WDR35: variants seen among roughly 807,000 people sequenced by gnomAD.
WDR35 encodes the protein WD repeat domain 35.
In WDR35, 118 loss-of-function variants were observed where a neutral mutation model predicts 158.3. The observed-to-expected ratio is 0.75, with a 90% confidence interval of 0.64 to 0.87. WDR35 has a LOEUF of 0.87. Among genes scored for constraint, WDR35 ranks in the 40% least tolerant of loss-of-function variants. The probability of loss-of-function intolerance (pLI) is 0.00; values close to 1 mark genes in which losing one functional copy is unlikely to be tolerated. For synonymous variants in WDR35, 448 were observed against 476.1 expected (o/e 0.94, Z 0.77); for missense variants, 1,263 against 1,405.8 (o/e 0.90, Z 1.62).
At chr2:19,989,914 G>C in intron 1 of WDR35, 78 bp downstream of exon 1, 5 of 1,595,716 alleles carry the variant, frequency 3.1e-6, no homozygotes, top group Non-Finnish European at 4.3e-6. Flanking sequence ...AAGGAGCCTG[G>C]CTTCTCGGGA....
chr2:19,921,755 G>A (rs1280342717), intron 25 of WDR35, among the ~76,000 whole-genome samples: 1 of 152,180 alleles, frequency 6.6e-6, no homozygotes, highest in Non-Finnish European at 1.5e-5. Flanking sequence ...AAGAGCTTCT[G>A]CACAGCAAAA....
At chr2:19,914,656 A>T (rs1669940047) in intron 25 of WDR35, among the ~76,000 whole-genome samples, 1 of 152,266 alleles carries the variant, frequency 6.6e-6, no homozygotes, top group Non-Finnish European at 1.5e-5. Flanking sequence ...ATAAACTGCA[A>T]GATAATACCA....
intron 25 of WDR35, among the ~76,000 whole-genome samples, chr2:19,923,665 C>A (rs1171076429): frequency 6.6e-6 from 1 of 152,124 alleles, no homozygotes; most frequent in Non-Finnish European, 1.5e-5. Context: ...AGTGACTGTT[C>A]GAACAGCACC....
At chr2:19,946,020 A>C (rs767984322) in intron 15 of WDR35, 24 bp from the exon 16 acceptor site, 2 of 1,609,012 alleles carry the variant, frequency 1.2e-6, no homozygotes, top group East Asian at 2.2e-5. Flanking sequence ...AATTAGAGAA[A>C]AGGAAAAAAC....
At position 19,932,983 on chromosome 2, in the gene WDR35, C is replaced by A. The variant is rs895968865; in HGVS notation, c.2658+418G>T. Reference sequence around the variant, plus strand: ...TGTTTTCTATAAAGGAAAAGGAAAACAGATTTGCCAAAATAAATATTGATA... The same window carrying A: ...TGTTTTCTATAAAGGAAAAGGAAAAAAGATTTGCCAAAATAAATATTGATA... On this transcript the variant is annotated intron_variant, in intron 22 of 26. Transcript: ENST00000281405. Among the ~76,000 whole-genome samples the A allele has an allele frequency of 3.3e-5, 5 of 152,212 alleles. No homozygotes were observed. The South Asian group carries it at 1.0e-3, about 32-fold the overall frequency.
At position 19,989,146 on chromosome 2, in the gene WDR35, T is replaced by C. The variant is rs1258243999; in HGVS notation, c.142+19A>G. 1 of 1,605,884 alleles carries C rather than the reference T, an allele frequency of 6.2e-7. No individual in the cohort carries two copies. The highest frequency in any genetic ancestry group is 1.7e-5 in the Admixed American group (1 of 60,008). ...ATTAGCCAATTTACTACCAAACATG[T>C]GGGCTTGCATTCATTTACCTGTCTG... On this transcript the variant is annotated intron_variant, in intron 2 of 26. Coordinates refer to ENST00000281405, the MANE Select transcript of WDR35 (RefSeq NM_020779.4).
chr2:19,916,340 G>A (rs1669990796), intron 25 of WDR35, among the ~76,000 whole-genome samples: 1 of 152,212 alleles, frequency 6.6e-6, no homozygotes, highest in Non-Finnish European at 1.5e-5. Context: ...GCTAGCTGCA[G>A]GAGTTTTTCT....
chr2:19,928,383 G>A (rs887614895), intron 25 of WDR35, among the ~76,000 whole-genome samples: 10 of 152,102 alleles, frequency 6.6e-5, no homozygotes, highest in East Asian at 1.9e-4. Flanking sequence ...ATCTCTGTTC[G>A]GGGCTCTCAG....
intron 25 of WDR35, among the ~76,000 whole-genome samples, chr2:19,918,192 T>G (rs771155898): frequency 6.6e-6 from 1 of 151,932 alleles, no homozygotes; most frequent in Non-Finnish European, 1.5e-5. Flanking sequence ...AAGGAAATGC[T>G]GAGATATTTT....
intron 14 of WDR35, among the ~76,000 whole-genome samples, chr2:19,947,400 G>T (rs1313805695): frequency 6.6e-6 from 1 of 152,150 alleles, no homozygotes; most frequent in Non-Finnish European, 1.5e-5. Context: ...TCATGGCTGA[G>T]GAATGTAACT....
At position 19,974,490 on chromosome 2, in the gene WDR35, T is replaced by C; in HGVS notation, c.714A>G (p.Ile238Met). ...TACTTTGGTCATTCTCATGTCTCAT[T>C]ATTTGGCATCTTCCATTATCAAAGC... ...AVCFDNGRCQ[I>M]MRHENDQNPV... Residue 238 changes from isoleucine (I) to methionine (M), a missense_variant, in exon 7 of 27, where the codon ATA becomes ATG. Ile to Met is a conservative substitution (Grantham distance 10). Coordinates refer to ENST00000281405, the MANE Select transcript of WDR35 (RefSeq NM_020779.4). 6.2e-7 allele frequency: 1 copy of C among 1,610,532 alleles called. No individual in the cohort carries two copies. Among genetic ancestry groups the C allele is most frequent in the Non-Finnish European group, 8.5e-7 (1 of 1,178,296 alleles).
At chr2:19,930,249 G>C (rs1421231589) in intron 25 of WDR35, 147 bp downstream of exon 25, 1 of 1,156,110 alleles carries the variant, frequency 8.6e-7, no homozygotes, top group East Asian at 2.4e-5. Context: ...CTTCAAAAAT[G>C]GGAATGCATA....
In WDR35 at chr2:19,966,760, G is replaced by T; in HGVS notation, c.1158C>A (p.Cys386Ter). ...LISITTCGDF[C>*]ILATKADENH... ...TTTCATCAGCTTTTGTAGCCAAAATGCAGAAATCTCCACAGGTAGTAATAG... is the reference window on the plus strand; with the variant it reads ...TTTCATCAGCTTTTGTAGCCAAAATTCAGAAATCTCCACAGGTAGTAATAG... Residue 386 changes from cysteine (C) to a stop codon, truncating the protein, a stop_gained, in exon 10 of 27, where the codon TGC becomes TGA. Transcript: ENST00000281405. LOFTEE classifies it high-confidence loss of function. 1 of 1,613,898 alleles carries T rather than the reference G, an allele frequency of 6.2e-7. No homozygotes were observed. The highest frequency in any genetic ancestry group is 8.5e-7 in the Non-Finnish European group (1 of 1,179,910).
intron 25 of WDR35, among the ~76,000 whole-genome samples, chr2:19,927,630 T>C (rs1346997950): frequency 2.0e-5 from 3 of 152,136 alleles, no homozygotes; most frequent in South Asian, 4.1e-4. Flanking sequence ...GTGGAAACTA[T>C]TAATAGCTCT....
rs748916282 is a variant in WDR35, at chr2:19,936,206, G to GT, written c.2414+12dup. 3.1e-6 allele frequency: 5 copies of GT among 1,613,676 alleles called. No homozygotes were observed. Among genetic ancestry groups the GT allele is most frequent in the Non-Finnish European group, 4.2e-6 (5 of 1,179,834 alleles). On this transcript the variant is annotated intron_variant, in intron 20 of 26. Coordinates refer to ENST00000281405, the MANE Select transcript of WDR35 (RefSeq NM_020779.4). Reference sequence around the variant, plus strand: ...TGCATGAATGCTTGAGGAGCTCCAGGTAAGTTACATACCACTTTTGTCGAT... The same window carrying GT: ...TGCATGAATGCTTGAGGAGCTCCAGGTTAAGTTACATACCACTTTTGTCGAT...
intron 4 of WDR35, among the ~76,000 whole-genome samples, chr2:19,979,718 C>T (rs993575706): frequency 6.6e-6 from 1 of 151,466 alleles, no homozygotes; most frequent in Non-Finnish European, 1.5e-5. Context: ...GAAGACCTAC[C>T]TTGGAAACAG....
intron 25 of WDR35, among the ~76,000 whole-genome samples, chr2:19,918,919 T>C (rs575268492): frequency 1.3e-5 from 2 of 152,270 alleles, no homozygotes; most frequent in East Asian, 1.9e-4. Context: ...TACGGAACTC[T>C]CCACCCCAAA....
intron 12 of WDR35, among the ~76,000 whole-genome samples, chr2:19,952,883 G>C (rs1052678546): frequency 6.7e-6 from 1 of 149,418 alleles, no homozygotes; most frequent in Non-Finnish European, 1.5e-5. Context: ...CCGCCTCCCG[G>C]GTTCACGCCA....
chr2:19,974,486 T>G lies in WDR35; in HGVS notation c.718A>C (p.Arg240=). The G allele has an allele frequency of 6.2e-7, 1 of 1,609,682 alleles. No individual in the cohort carries two copies. Among genetic ancestry groups the G allele is most frequent in the Non-Finnish European group, 8.5e-7 (1 of 1,177,976 alleles). The part of the protein sequence containing the change: ...CFDNGRCQIM[R]HENDQNPVLI... ...TCCTTACTTTGGTCATTCTCATGTCTCATTATTTGGCATCTTCCATTATCA... is the reference window on the plus strand; with the variant it reads ...TCCTTACTTTGGTCATTCTCATGTCGCATTATTTGGCATCTTCCATTATCA... The change falls in exon 7 of 27, where the codon AGA becomes CGA. Residue 240 remains arginine, a synonymous_variant. Transcript: ENST00000281405.
Sources: allele counts gnomAD v4.1 joint callset (sites outside exome capture counted in the v4.1 genomes callset), GRCh38; gene constraint gnomAD v4.1.1; transcripts MANE v1.5; gene names NCBI Gene and HGNC (gene_info 2026-07-23, HGNC 2026-07-21).